The following LIPE variants were observed in gnomAD, a reference collection of about 807,000 sequenced individuals.
LIPE encodes hormone-sensitive lipase.
A neutral mutation model predicts 88.5 loss-of-function variants in LIPE; 66 were observed. That is an observed-to-expected ratio of 0.75 (90% CI 0.61 to 0.91). The LOEUF (loss-of-function observed/expected upper bound fraction) is 0.91. Ranked by LOEUF, LIPE falls within the 40% of genes least tolerant of loss-of-function variation. The pLI, the probability that LIPE is intolerant of heterozygous loss-of-function variation, is 0.00. For missense variants in LIPE, 1,346 were observed against 1,434.7 expected (o/e 0.94, Z 1.00); for synonymous variants, 570 against 617.5 (o/e 0.92, Z 1.14).
At chr19:42,426,159 G>A (rs1228150873) in intron 1 of LIPE, 108 bp downstream of exon 1, 28 of 355,996 alleles carry the variant, frequency 7.9e-5, no homozygotes, top group Non-Finnish European at 1.1e-4. Context: ...TCTCAGGATT[G>A]TTGAAGGATG....
Position 42,405,549 on chromosome 19 carries a change from T to G in LIPE, c.2378A>C (p.Glu793Ala). 1 of 1,613,284 alleles carries G rather than the reference T, an allele frequency of 6.2e-7. No individual in the cohort carries two copies. Among genetic ancestry groups the G allele is most frequent in the Non-Finnish European group, 8.5e-7 (1 of 1,179,396 alleles). ...CVSAYAGAKTEDHSNSDQKAL... is the reference protein window; with the variant it reads ...CVSAYAGAKTADHSNSDQKAL... The stretch of plus-strand genomic sequence containing the variant: ...TTTCTGGTCTGAGTTGGAGTGGTCC[T>G]CCGTCTTTGCACCTGCAGAATATAT... The change falls in exon 8 of 10, where the codon GAG becomes GCG. Residue 793 changes from glutamate to alanine, a missense_variant. Transcript: ENST00000244289.
At position 42,402,729 on chromosome 19, in the gene LIPE, G is replaced by C. The variant is rs765119040; in HGVS notation, c.2845C>G (p.Arg949Gly). The change falls in exon 9 of 10, where the codon CGC becomes GGC. Residue 949 changes from arginine to glycine, a missense_variant. Physicochemically the swap from Arg to Gly is moderately radical, Grantham distance 125 (BLOSUM62 -2). Transcript: ENST00000244289. ...AAFPEGFHPR[R>G]SSQGATQMPL... ...ATCTGTGTGGCACCCTGGCTGGAGC[G>C]TCGGGGGTGGAAACCCTCGGGGAAG... 2 of 1,561,006 alleles carry C rather than the reference G, an allele frequency of 1.3e-6. No homozygotes were observed. Among genetic ancestry groups the C allele is most frequent in the Admixed American group, 1.8e-5 (1 of 55,612 alleles).
At position 42,410,558 on chromosome 19, in the gene LIPE, T is replaced by A; in HGVS notation, c.1168A>T (p.Lys390Ter). The A allele has an allele frequency of 6.2e-7, 1 of 1,612,886 alleles. No homozygotes were observed. The highest frequency in any genetic ancestry group is 8.5e-7 in the Non-Finnish European group (1 of 1,179,932). ...CGGTTGGAGGCCACATAGCGGGATT[T>A]GTGCAGGAGGTGCGCCAGGCAGCAG... ...ARCCLAHLLHKSRYVASNRRS... is the reference protein window; with the variant it reads ...ARCCLAHLLH The change falls in exon 2 of 10, where the codon AAA becomes TAA. Residue 390 changes from lysine to a stop codon, truncating the protein, a stop_gained. Transcript: ENST00000244289. LOFTEE classifies it high-confidence loss of function. The surrounding 1 kb of genome is among the most constrained non-coding windows in gnomAD (Gnocchi z 6.1).
At chr19:42,416,708 T>C (rs1395469890) in intron 1 of LIPE, among the ~76,000 whole-genome samples, 2 of 152,226 alleles carry the variant, frequency 1.3e-5, no homozygotes, top group Non-Finnish European at 2.9e-5. Context: ...TGACAGCACG[T>C]CTGTTTACAG....
chr19:42,424,198 A>C, intron 1 of LIPE: 2 of 964,044 alleles, frequency 2.1e-6, no homozygotes, highest in Non-Finnish European at 2.8e-6. Context: ...TGCTCCCGAT[A>C]ATGAGGGTGG....
In LIPE at chr19:42,408,482, T is replaced by A. The variant is rs1314392275; in HGVS notation, c.1420-160A>T. The A allele has an allele frequency of 9.5e-6, 6 of 632,504 alleles. No homozygotes were observed. Among genetic ancestry groups the A allele is most frequent in the Non-Finnish European group, 1.4e-5 (5 of 354,138 alleles). 39.2% of individuals were successfully genotyped at this position (632,504 alleles called of 1,614,324 possible). A position where few individuals can be genotyped will look rare whatever the true frequency, so the allele number is the denominator to read the frequency against. ...ATAGCTCTCGGCTGGTTCACGGACC[T>A]GATGTTCTCAAAGGGAAAACAAATG... On this transcript the variant is annotated intron_variant, in intron 2 of 9. Transcript: ENST00000244289. This position sits in a 1 kb window ranked among gnomAD's most constrained non-coding sequence, Gnocchi z 4.3.
In LIPE at chr19:42,408,375, G is replaced by A. The variant is rs1004360583; in HGVS notation, c.1420-53C>T. 47 of 1,448,548 alleles carry A rather than the reference G, an allele frequency of 3.2e-5. 1 individual carries two copies. The African/African-American group carries it at 5.9e-4, about 18-fold the overall frequency. 89.7% of individuals were successfully genotyped at this position (1,448,548 alleles called of 1,614,324 possible). A position where few individuals can be genotyped will look rare whatever the true frequency, so the allele number is the denominator to read the frequency against. On this transcript the variant is annotated intron_variant, in intron 2 of 9. Coordinates refer to ENST00000244289, the MANE Select transcript of LIPE (RefSeq NM_005357.4). This position sits in a 1 kb window ranked among gnomAD's most constrained non-coding sequence, Gnocchi z 4.3. Reference sequence around the variant, plus strand: ...ACCGCTCAAGAGAGGGATGGGGACAGGGCAGGAGCGAGGCACAGGGATGTG... The same window carrying A: ...ACCGCTCAAGAGAGGGATGGGGACAAGGCAGGAGCGAGGCACAGGGATGTG...
chr19:42,403,292 T>TGTGA (rs200935735), intron 8 of LIPE, among the ~76,000 whole-genome samples: 4,144 of 129,152 alleles, frequency 0.032, 366 homozygotes, highest in Non-Finnish European at 0.039. Flanking sequence ...TGTGTGTGTG[T>TGTGA]GACTGGGAAG....
In LIPE at chr19:42,421,608, G is replaced by A. The variant is rs191561994; in HGVS notation, c.883+4659C>T. Reference sequence around the variant, plus strand: ...GCCCAGAATCAAGTTTGGGCCCACAGCAGTTGTGCGTCCACAAACTCCCTG... The same window carrying A: ...GCCCAGAATCAAGTTTGGGCCCACAACAGTTGTGCGTCCACAAACTCCCTG... On this transcript the variant is annotated intron_variant, in intron 1 of 9. Transcript: ENST00000244289. Among the ~76,000 whole-genome samples, 43 of 152,320 alleles carry A rather than the reference G, an allele frequency of 2.8e-4. 1 individual carries two copies. Among genetic ancestry groups the A allele is most frequent in the Admixed American group, 1.3e-3 (20 of 15,304 alleles).
chr19:42,421,425 G>A (rs7248439), intron 1 of LIPE, among the ~76,000 whole-genome samples: 10,033 of 152,214 alleles, frequency 0.066, 1,050 homozygotes, highest in African/African-American at 0.22. Context: ...TTCCCAGGGT[G>A]TTTTTCTCTG....
At chr19:42,423,336 A>T in intron 1 of LIPE, 2 of 1,062,002 alleles carry the variant, frequency 1.9e-6, no homozygotes, top group Non-Finnish European at 2.5e-6. Flanking sequence ...TCCCTGTGGC[A>T]GTGGGCCAGT....
At position 42,407,878 on chromosome 19, in the gene LIPE, C is replaced by A; in HGVS notation, c.1657-87G>T. The A allele has an allele frequency of 6.4e-7, 1 of 1,561,162 alleles. No homozygotes were observed. Among genetic ancestry groups the A allele is most frequent in the South Asian group, 1.2e-5 (1 of 84,598 alleles). On this transcript the variant is annotated intron_variant, in intron 4 of 9. Coordinates refer to ENST00000244289, the MANE Select transcript of LIPE (RefSeq NM_005357.4). This position sits in a 1 kb window ranked among gnomAD's most constrained non-coding sequence, Gnocchi z 5.8. ...CTCCCTCTGATCCCCAGTCTTTCCC[C>A]TTGTGTGCCATCCCTGGGCCTGGAG... is the stretch of plus-strand genomic sequence containing the variant.
At position 42,401,649 on chromosome 19, in the gene LIPE, T is replaced by G; in HGVS notation, c.*163A>C. 4.8e-5 allele frequency: 27 copies of G among 563,116 alleles called. No individual in the cohort carries two copies. The highest frequency in any genetic ancestry group is 7.0e-5 in the East Asian group (2 of 28,418). The allele number at this position is 563,116 out of a possible 1,614,324, so 34.9% of individuals were successfully genotyped here. The stretch of plus-strand genomic sequence containing the variant: ...CAGGTCCAGCCGTCTCGGTGACCGG[T>G]GTGTGTGCGCGTCCCCCTCCCCGTG... On this transcript the variant is annotated 3_prime_UTR_variant, in exon 10 of 10. Coordinates refer to ENST00000244289, the MANE Select transcript of LIPE (RefSeq NM_005357.4).
chr19:42,424,509 G>T (rs1392877071), intron 1 of LIPE: 13 of 456,210 alleles, frequency 2.8e-5, no homozygotes, highest in Non-Finnish European at 5.7e-5. Flanking sequence ...CAGCACTGGG[G>T]AGAGCAGGCC....
At position 42,405,961 on chromosome 19, in the gene LIPE, GTCTC is replaced by G. The variant is rs137919065; in HGVS notation, c.2365+196_2365+199del. 582 of 491,096 alleles carry G rather than the reference GTCTC, an allele frequency of 1.2e-3. 2 individuals carry two copies. Among genetic ancestry groups the G allele is most frequent in the Middle Eastern group, 3.3e-3 (6 of 1,818 alleles). The allele number at this position is 491,096 out of a possible 1,614,324, so 30.4% of individuals were successfully genotyped here. A position where few individuals can be genotyped will look rare whatever the true frequency, so the allele number is the denominator to read the frequency against. ...GCGACATGACACCTTGTGTCTGTCT[GTCTC>G]TCTCTCTCTCTCACACACACACACA... On this transcript the variant is annotated intron_variant, in intron 7 of 9. Transcript: ENST00000244289.
At chr19:42,413,568 A>T (rs1428836820) in intron 1 of LIPE, among the ~76,000 whole-genome samples, 1 of 152,224 alleles carries the variant, frequency 6.6e-6, no homozygotes, top group Non-Finnish European at 1.5e-5. Flanking sequence ...CGGGAGGCGG[A>T]GGCAGGAGAA....
intron 1 of LIPE, chr19:42,423,211 C>A: frequency 3.2e-6 from 1 of 309,656 alleles, no homozygotes; most frequent in South Asian, 2.3e-5. Flanking sequence ...ATCCGGGCGT[C>A]AGCTAGTCCC....
Position 42,407,592 on chromosome 19 carries a change from G to A in LIPE, c.1842+14C>T. Reference sequence around the variant, plus strand: ...CGGCTCTGTCCCTGTCCCTGGCTGAGGCTGGAACCCTACCTGTCCTTCACG... The same window carrying A: ...CGGCTCTGTCCCTGTCCCTGGCTGAAGCTGGAACCCTACCTGTCCTTCACG... On this transcript the variant is annotated intron_variant, in intron 5 of 9. Coordinates refer to ENST00000244289, the MANE Select transcript of LIPE (RefSeq NM_005357.4). This position sits in a 1 kb window ranked among gnomAD's most constrained non-coding sequence, Gnocchi z 5.8. 6.3e-7 allele frequency: 1 copy of A among 1,598,920 alleles called. No homozygotes were observed.
At chr19:42,423,867 C>G in intron 1 of LIPE, 1 of 1,125,776 alleles carries the variant, frequency 8.9e-7, no homozygotes, top group Non-Finnish European at 1.1e-6. Context: ...AAGTCCCGAT[C>G]TTCCCACGTG....
Sources: allele counts gnomAD v4.1 joint callset (sites outside exome capture counted in the v4.1 genomes callset), GRCh38; gene constraint gnomAD v4.1.1; non-coding constraint Gnocchi (gnomAD v3.1); transcripts MANE v1.5; gene names NCBI Gene and HGNC (gene_info 2026-07-23, HGNC 2026-07-21).